The following CBFA2T3 variants were observed in gnomAD, a reference collection of about 807,000 sequenced individuals.
The protein encoded by CBFA2T3 is CBFA2/RUNX1 partner transcriptional co-repressor 3.
In CBFA2T3, 31 loss-of-function variants were observed where a neutral mutation model predicts 58.6. That is an observed-to-expected ratio of 0.53 (90% confidence interval 0.40 to 0.71). CBFA2T3 has a LOEUF of 0.71. Ranked by LOEUF, CBFA2T3 falls within the 30% of genes least tolerant of loss-of-function variation. CBFA2T3 has a pLI of 0.00. For missense variants in CBFA2T3, 1,076 were observed against 963.1 expected (o/e 1.12, Z -1.55); for synonymous variants, 531 against 421.9 (o/e 1.26, Z -3.17).
chr16:88,909,018 G>A (rs530574526), intron 1 of CBFA2T3, among the ~76,000 whole-genome samples: 1 of 152,322 alleles, frequency 6.6e-6, no homozygotes, highest in South Asian at 2.1e-4. Context: ...CCGGGGAGCG[G>A]GGGGCACCGG....
At chr16:88,961,058 T>C (rs1019848557) in intron 1 of CBFA2T3, among the ~76,000 whole-genome samples, 1 of 152,274 alleles carries the variant, frequency 6.6e-6, no homozygotes, top group Admixed American at 6.5e-5. Context: ...CTGTGAGACC[T>C]GTCTGAGGTC....
intron 1 of CBFA2T3, among the ~76,000 whole-genome samples, chr16:88,924,741 C>G (rs513703): frequency 0.084 from 12,815 of 152,188 alleles, 1,124 homozygotes; most frequent in African/African-American, 0.23. Flanking sequence ...CCCAGCTGGC[C>G]GGACGCGGCG....
At position 88,901,501 on chromosome 16, in the gene CBFA2T3, T is replaced by A; in HGVS notation, c.304+3A>T. 6.8e-7 allele frequency: 1 copy of A among 1,463,776 alleles called. No individual in the cohort carries two copies. The highest frequency in any genetic ancestry group is 9.0e-7 in the Non-Finnish European group (1 of 1,108,342). The allele number at this position is 1,463,776 out of a possible 1,614,324, so 90.7% of individuals were successfully genotyped here. A position where few individuals can be genotyped will look rare whatever the true frequency, so the allele number is the denominator to read the frequency against. On this transcript the variant is annotated splice_donor_region_variant and intron_variant, in intron 2 of 11. Coordinates refer to ENST00000268679, the MANE Select transcript of CBFA2T3 (RefSeq NM_005187.6). ...CCTCGGCTGCCAGGTGGGGGCTACT[T>A]ACGTGTGTGTGGCGTGAAGGAGGGG...
intron 1 of CBFA2T3, among the ~76,000 whole-genome samples, chr16:88,946,488 T>A (rs1426978976): frequency 1.3e-5 from 2 of 151,822 alleles, no homozygotes; most frequent in African/African-American, 4.8e-5. Context: ...CAGAGAGGTT[T>A]GTTTGTTTTT....
intron 1 of CBFA2T3, among the ~76,000 whole-genome samples, chr16:88,923,212 G>A (rs1597731822): frequency 6.6e-6 from 1 of 152,370 alleles, no homozygotes; most frequent in Non-Finnish European, 1.5e-5. Context: ...GTCCACTGGT[G>A]TGGGCGAGTC....
intron 1 of CBFA2T3, among the ~76,000 whole-genome samples, chr16:88,903,748 C>A (rs1275701169): frequency 6.6e-6 from 1 of 150,388 alleles, no homozygotes; most frequent in Non-Finnish European, 1.5e-5. Context: ...CTTGGGCCAG[C>A]GTGGGTTGGG....
chr16:88,891,717 G>A (rs1281781675), intron 5 of CBFA2T3, among the ~76,000 whole-genome samples, 165 bp downstream of exon 5: 1 of 152,104 alleles, frequency 6.6e-6, no homozygotes, highest in East Asian at 1.9e-4. Context: ...GTACCACAGG[G>A]TCCCAGGTTG....
At chr16:88,904,368 C>G (rs475796) in intron 1 of CBFA2T3, among the ~76,000 whole-genome samples, 55,414 of 151,756 alleles carry the variant, frequency 0.37, 10,741 homozygotes, top group African/African-American at 0.48. Flanking sequence ...TTTACTAGGA[C>G]GGACCAGGCT....
intron 11 of CBFA2T3, 69 bp downstream of exon 11, chr16:88,879,201 T>G: frequency 2.2e-6 from 3 of 1,355,084 alleles, no homozygotes; most frequent in Non-Finnish European, 2.0e-6. Context: ...AGAATCCTCA[T>G]GGGGGTGGCG....
intron 4 of CBFA2T3, 27 bp downstream of exon 4, chr16:88,892,217 G>C: frequency 6.3e-7 from 1 of 1,596,892 alleles, no homozygotes; most frequent in Non-Finnish European, 8.5e-7. Context: ...CATGTCCCAA[G>C]GCCCCGGCTG....
At chr16:88,909,881 G>A (rs1023189108) in intron 1 of CBFA2T3, among the ~76,000 whole-genome samples, 3 of 152,232 alleles carry the variant, frequency 2.0e-5, no homozygotes, top group South Asian at 2.1e-4. Context: ...CCGGGCAGCC[G>A]TCCAGTGCAG....
chr16:88,895,164 C>A (rs1269538849), intron 3 of CBFA2T3, among the ~76,000 whole-genome samples: 2 of 152,218 alleles, frequency 1.3e-5, no homozygotes, highest in Admixed American at 1.3e-4. Context: ...CCCGCTCCTG[C>A]AGGCCTGGAC....
Position 88,875,997 on chromosome 16 carries a change from C to T in CBFA2T3, c.*979G>A. 4.3e-6 allele frequency: 1 copy of T among 233,278 alleles called. No homozygotes were observed. The highest frequency in any genetic ancestry group is 2.2e-5 in the African/African-American group (1 of 45,430). The allele number at this position is 233,278 out of a possible 1,614,324, so 14.5% of individuals were successfully genotyped here. On this transcript the variant is annotated 3_prime_UTR_variant, in exon 12 of 12. Coordinates refer to ENST00000268679, the MANE Select transcript of CBFA2T3 (RefSeq NM_005187.6). ...AGTCGCTTCTAACTGGGCACAAACC[C>T]TCTGCACCCAAATATCCCGACACCC...
chr16:88,888,129 G>C (rs1004765759), intron 5 of CBFA2T3, among the ~76,000 whole-genome samples: 1 of 151,954 alleles, frequency 6.6e-6, no homozygotes, highest in African/African-American at 2.4e-5. Flanking sequence ...CCCCGTGAGG[G>C]AGATTCACCA....
At chr16:88,881,565 C>G in intron 8 of CBFA2T3, 76 bp from the exon 9 acceptor site, 1 of 1,472,342 alleles carries the variant, frequency 6.8e-7, no homozygotes, top group South Asian at 1.2e-5. Context: ...CCCACTCGGC[C>G]AGAGCCCCGG....
intron 1 of CBFA2T3, among the ~76,000 whole-genome samples, chr16:88,931,042 C>T (rs1238352605): frequency 2.0e-5 from 3 of 151,990 alleles, no homozygotes; most frequent in African/African-American, 4.8e-5. Flanking sequence ...AAAAAAACAG[C>T]GGGGAGACTG....
At chr16:88,904,376 G>A (rs1438785441) in intron 1 of CBFA2T3, among the ~76,000 whole-genome samples, 1 of 152,018 alleles carries the variant, frequency 6.6e-6, no homozygotes. Flanking sequence ...GACGGACCAG[G>A]CTCGGAGAGA....
chr16:88,954,700 C>T (rs1263220988), intron 1 of CBFA2T3, among the ~76,000 whole-genome samples: 2 of 44,644 alleles, frequency 4.5e-5, no homozygotes, highest in Non-Finnish European at 9.8e-5. Flanking sequence ...GGCTCCTGAC[C>T]TCAGCCAAGG....
intron 7 of CBFA2T3, 21 bp from the exon 8 acceptor site, chr16:88,882,782 C>G: frequency 6.8e-7 from 1 of 1,477,452 alleles, no homozygotes; most frequent in Non-Finnish European, 9.3e-7. Context: ...GGGAGGTGCA[C>G]GCTTAGGTCC....
Sources: gnomAD v4.1 joint callset for allele counts (sites outside exome capture counted in the v4.1 genomes callset) on GRCh38, gnomAD v4.1.1 for gene constraint, MANE v1.5 for transcripts, NCBI Gene and HGNC (gene_info 2026-07-23, HGNC 2026-07-21) for gene names.